The following ZNF746 variants were observed in gnomAD, a reference collection of about 807,000 sequenced individuals.
ZNF746 encodes the protein parkin-interacting substrate.
Under a neutral mutation model 41.0 loss-of-function variants are expected in ZNF746, and 13 were observed. The observed-to-expected ratio is 0.32, with a 90% CI of 0.21 to 0.50. The LOEUF is 0.50. Ranked by LOEUF, ZNF746 falls within the 20% of genes least tolerant of loss-of-function variation. ZNF746 has a pLI of 0.98. For synonymous variants in ZNF746, 424 were observed against 396.2 expected, an observed-to-expected ratio of 1.07 and a Z score of -0.83; for missense variants, 811 against 922.9, an observed-to-expected ratio of 0.88 and a Z score of 1.57.
At chr7:149,483,262 T>C (rs1800531279) in intron 4 of ZNF746, among the ~76,000 whole-genome samples, 1 of 152,204 alleles carries the variant, frequency 6.6e-6, no homozygotes, top group Admixed American at 6.5e-5. Flanking sequence ...ATGTATGGGC[T>C]ACAGCTACAA....
In ZNF746 at chr7:149,497,491, TGC is replaced by T. The variant is rs1451824334; in HGVS notation, c.24+20_24+21del. The T allele has an allele frequency of 9.1e-7, 1 of 1,093,262 alleles. No individual in the cohort carries two copies. Among genetic ancestry groups the T allele is most frequent in the Non-Finnish European group, 1.1e-6 (1 of 903,784 alleles). 67.7% of individuals were successfully genotyped at this position (1,093,262 alleles called of 1,614,324 possible). On this transcript the variant is annotated intron_variant, in intron 1 of 6. Transcript: ENST00000458143. The surrounding 1 kb of genome is among the most constrained non-coding windows in gnomAD (Gnocchi z 4.2). ...CTGGGGCCCCCAGGCCGCGAGTCCC[TGC>T]GCGCGCGGGTCGCCCTTACCGGAGC... is the stretch of plus-strand genomic sequence containing the variant.
chr7:149,497,056 A>G lies in ZNF746; in HGVS notation c.24+457T>C. On this transcript the variant is annotated intron_variant, in intron 1 of 6. Transcript: ENST00000458143. This position sits in a 1 kb window ranked among gnomAD's most constrained non-coding sequence, Gnocchi z 4.2. ...TGGCTCTATATTCCCTTCCGCGCCG[A>G]CCCCGGGAAGCTGGGCACGTAGTGG... The G allele has an allele frequency of 1.0e-6, 1 of 984,794 alleles. No individual in the cohort carries two copies. The highest frequency in any genetic ancestry group is 1.2e-6 in the Non-Finnish European group (1 of 829,780). The allele number at this position is 984,794 out of a possible 1,614,324, so 61.0% of individuals were successfully genotyped here.
chr7:149,489,494 AG>A (rs1420991838), intron 4 of ZNF746: 2 of 152,300 alleles, frequency 1.3e-5, no homozygotes, highest in African/African-American at 4.8e-5. Flanking sequence ...AAAGCAGGAA[AG>A]TAGGCCTGGA....
chr7:149,475,011 G>A lies in ZNF746; in HGVS notation c.1356C>T (p.His452=), dbSNP rs764496082. The change falls in exon 7 of 7, where the codon CAC becomes CAT. Residue 452 remains histidine (H), a synonymous_variant. Coordinates refer to ENST00000458143, the MANE Select transcript of ZNF746 (RefSeq NM_001394198.1). ...KYPGRTKGFG[H]KPGLKKHPAA... is the part of the protein sequence containing the mutation. Reference sequence around the variant, plus strand: ...CGGGGTGCTTCTTCAGCCCTGGCTTGTGGCCAAAGCCTTTGGTCCGGCCAG... The same window carrying A: ...CGGGGTGCTTCTTCAGCCCTGGCTTATGGCCAAAGCCTTTGGTCCGGCCAG... The A allele has an allele frequency of 6.4e-7, 1 of 1,551,548 alleles. No individual in the cohort carries two copies. The highest frequency in any genetic ancestry group is 8.7e-7 in the Non-Finnish European group (1 of 1,147,800).
Position 149,497,398 on chromosome 7 carries a change from G to A in ZNF746, c.24+115C>T. On this transcript the variant is annotated intron_variant, in intron 1 of 6. Coordinates refer to ENST00000458143, the MANE Select transcript of ZNF746 (RefSeq NM_001394198.1). This position sits in a 1 kb window ranked among gnomAD's most constrained non-coding sequence, Gnocchi z 4.2. ...CCCCATTCGCGGGAGCCCCAGGCCC[G>A]GTGGTCCGGCCCGGACCCCGGAACC... The A allele has an allele frequency of 4.0e-6, 4 of 1,006,588 alleles. No homozygotes were observed. The highest frequency in any genetic ancestry group is 4.6e-5 in the South Asian group (1 of 21,728). The allele number at this position is 1,006,588 out of a possible 1,614,324, so 62.4% of individuals were successfully genotyped here. A position where few individuals can be genotyped will look rare whatever the true frequency, so the allele number is the denominator to read the frequency against.
intron 6 of ZNF746, 94 bp downstream of exon 6, chr7:149,476,828 T>G: frequency 6.4e-7 from 1 of 1,565,180 alleles, no homozygotes; most frequent in East Asian, 2.3e-5. Flanking sequence ...GGCTGGAAGG[T>G]CAGAGCAGTT....
In ZNF746 at chr7:149,494,167, G is replaced by A. The variant is rs752322276; in HGVS notation, c.324+37C>T. On this transcript the variant is annotated intron_variant, in intron 2 of 6. Transcript: ENST00000458143. This position sits in a 1 kb window ranked among gnomAD's most constrained non-coding sequence, Gnocchi z 5.6. ...CACCCACACGCTCACGGGTTTGGCC[G>A]CTTGGGCTCCCACACCCCAAGGCGT... 82 of 1,613,570 alleles carry A rather than the reference G, an allele frequency of 5.1e-5. No individual in the cohort carries two copies. Among genetic ancestry groups the A allele is most frequent in the Admixed American group, 4.0e-4 (24 of 59,986 alleles).
intron 4 of ZNF746, among the ~76,000 whole-genome samples, chr7:149,485,336 C>T (rs1023632976): frequency 1.5e-4 from 23 of 152,122 alleles, no homozygotes; most frequent in African/African-American, 4.8e-4. Flanking sequence ...AATGCAATTG[C>T]AACCATAACC....
chr7:149,477,451 G>A (rs4727073), intron 5 of ZNF746, 113 bp downstream of exon 5: 444,926 of 1,254,072 alleles, frequency 0.35, 81,682 homozygotes, highest in Admixed American at 0.5. Context: ...TTCTAAAGTT[G>A]TCAGGCCGGA....
Position 149,477,652 on chromosome 7 carries a change from T to A in ZNF746, c.669A>T (p.Ala223=). The A allele has an allele frequency of 6.2e-7, 1 of 1,614,070 alleles. No individual in the cohort carries two copies. The highest frequency in any genetic ancestry group is 8.5e-7 in the Non-Finnish European group (1 of 1,179,970). The change falls in exon 5 of 7, where the codon GCA becomes GCT. Residue 223 remains alanine, a synonymous_variant. Coordinates refer to ENST00000458143, the MANE Select transcript of ZNF746 (RefSeq NM_001394198.1). The part of the protein sequence containing the change: ...EQQALGVEAW[A]AGQPDIGEEP... ...CCTCCCCAATATCTGGCTGCCCGGC[T>A]GCCCACGCCTCCACGCCCAGGGCCT...
intron 1 of ZNF746, chr7:149,496,746 C>A (rs372178873): frequency 1.1e-6 from 1 of 871,794 alleles, no homozygotes. Flanking sequence ...TACCAAGAGG[C>A]CCCCTGACAC....
chr7:149,477,064 G>T lies in ZNF746; in HGVS notation c.758-17C>A. The T allele has an allele frequency of 6.2e-7, 1 of 1,608,578 alleles. No individual in the cohort carries two copies. The highest frequency in any genetic ancestry group is 8.5e-7 in the Non-Finnish European group (1 of 1,177,192). ...AATGGACACCTGCGGTAAGGGGAGA[G>T]CAGAGCCGGTGGGTTAGGGGACGGA... On this transcript the variant is annotated splice_polypyrimidine_tract_variant and intron_variant, in intron 5 of 6. Coordinates refer to ENST00000458143, the MANE Select transcript of ZNF746 (RefSeq NM_001394198.1).
chr7:149,486,592 A>G (rs1191276989), intron 4 of ZNF746, among the ~76,000 whole-genome samples: 1 of 152,226 alleles, frequency 6.6e-6, no homozygotes, highest in Non-Finnish European at 1.5e-5. Context: ...ACGGCAAATG[A>G]GAAAAGCAGG....
chr7:149,483,623 A>C lies in ZNF746; in HGVS notation c.566-5868T>G, dbSNP rs199650657. ...TCCGTGTAAAAAAATAAAAAAAAAA[A>C]CAAAAACACAGGTCAAAAATTAATG... On this transcript the variant is annotated intron_variant, in intron 4 of 6. Transcript: ENST00000458143. Among the ~76,000 whole-genome samples the C allele has an allele frequency of 1.4e-4, 21 of 152,172 alleles. No homozygotes were observed. The East Asian group carries it at 2.5e-3, about 18-fold the overall frequency.
At chr7:149,475,554 A>T in intron 6 of ZNF746, 71 bp from the exon 7 acceptor site, 1 of 1,536,376 alleles carries the variant, frequency 6.5e-7, no homozygotes, top group Non-Finnish European at 8.8e-7. Flanking sequence ...TGCCACCATC[A>T]CCTGCTCAGC....
Position 149,475,037 on chromosome 7 carries a change from G to T in ZNF746, c.1330C>A (p.Pro444Thr). The part of the protein sequence containing the change: ...PRPFNEPCKY[P>T]GRTKGFGHKP... ...TGGCCAAAGCCTTTGGTCCGGCCAG[G>T]GTATTTACAGGGTTCGTTGAATGGC... The change falls in exon 7 of 7, where the codon CCT becomes ACT. Residue 444 changes from proline (P) to threonine (T), a missense_variant. By Grantham distance (38) the Pro-to-Thr change is conservative. Around this residue, in one of 4 missense-constraint regions of ZNF746, gnomAD observed 495 missense variants for 481.6 expected, o/e 1.03. Coordinates refer to ENST00000458143, the MANE Select transcript of ZNF746 (RefSeq NM_001394198.1). 6.4e-7 allele frequency: 1 copy of T among 1,565,522 alleles called. No individual in the cohort carries two copies.
At chr7:149,479,978 A>G (rs1316575341) in intron 4 of ZNF746, among the ~76,000 whole-genome samples, 1 of 152,216 alleles carries the variant, frequency 6.6e-6, no homozygotes, top group Non-Finnish European at 1.5e-5. Flanking sequence ...AAAGTTTTTA[A>G]AAAAAGTTAG....
At chr7:149,482,739 AC>A (rs1167831175) in intron 4 of ZNF746, among the ~76,000 whole-genome samples, 13 of 152,376 alleles carry the variant, frequency 8.5e-5, no homozygotes, top group African/African-American at 2.6e-4. Flanking sequence ...TGTTAGGATT[AC>A]AGGCGTGAGC....
At chr7:149,480,097 C>T (rs541078070) in intron 4 of ZNF746, among the ~76,000 whole-genome samples, 16 of 152,196 alleles carry the variant, frequency 1.1e-4, no homozygotes, top group Admixed American at 2.0e-4. Context: ...TCTGCATTGG[C>T]ATCAGATGAC....
Sources: allele counts gnomAD v4.1 joint callset (sites outside exome capture counted in the v4.1 genomes callset), GRCh38; gene constraint gnomAD v4.1.1; regional missense constraint gnomAD v4.1.1; non-coding constraint Gnocchi (gnomAD v3.1); transcripts MANE v1.5; gene names NCBI Gene and HGNC (gene_info 2026-07-23, HGNC 2026-07-21).